MYOM1: variants seen among roughly 807,000 people sequenced by gnomAD.
The protein encoded by MYOM1 is myomesin 1.
In MYOM1, 164 loss-of-function variants were observed where a neutral mutation model predicts 205.3. The observed-to-expected ratio is 0.80, with a 90% CI of 0.70 to 0.91. The LOEUF is 0.91. Among genes scored for constraint, MYOM1 ranks in the 40% least tolerant of loss-of-function variants. The probability of loss-of-function intolerance (pLI) is 0.00; values close to 1 mark genes in which losing one functional copy is unlikely to be tolerated. For missense variants in MYOM1, 2,011 were observed against 2,127.3 expected (o/e 0.95, Z 1.08); for synonymous variants, 772 against 789.4 (o/e 0.98, Z 0.37).
rs2079874384 is a variant in MYOM1 at position 3,131,430 on chromosome 18, A to G, written c.2451T>C (p.Ala817=). The change falls in exon 17 of 38, where the codon GCT becomes GCC. Residue 817 remains alanine, a synonymous_variant. Coordinates refer to ENST00000356443, the MANE Select transcript of MYOM1 (RefSeq NM_003803.4). Reference sequence around the variant, plus strand: ...AATCCTGGGAATATTCACTAAGTCCAGCTGCATTGACTGCTCTGACCCGGA... The same window carrying G: ...AATCCTGGGAATATTCACTAAGTCCGGCTGCATTGACTGCTCTGACCCGGA... ...YIFRVRAVNA[A]GLSEYSQDSE... 7 of 1,613,830 alleles carry G rather than the reference A, an allele frequency of 4.3e-6. No homozygotes were observed. Among genetic ancestry groups the G allele is most frequent in the Admixed American group, 3.3e-5 (2 of 60,008 alleles).
the MYOM1 span, among the ~76,000 whole-genome samples, chr18:3,229,708 G>A: frequency 5.1e-4 from 78 of 152,186 alleles, no homozygotes; most frequent in South Asian, 3.3e-3. Context: ...GGTGGCTCAC[G>A]CCTGTAATCC....
At chr18:3,180,813 G>A (rs1369484869) in intron 5 of MYOM1, among the ~76,000 whole-genome samples, 3 of 152,102 alleles carry the variant, frequency 2.0e-5, no homozygotes, top group Non-Finnish European at 4.4e-5. Flanking sequence ...ATGTTGGGCC[G>A]AGTTTATAGT....
Position 3,214,978 on chromosome 18 carries a change from G to A in MYOM1, c.246C>T (p.Val82=), listed in dbSNP as rs1408299241. ...QASQHALSSE[V]SRKAASAYDY... ...CGTAGGCTGAGGCTGCCTTCCGACT[G>A]ACTTCAGAGCTCAGGGCGTGCTGCG... is the stretch of plus-strand genomic sequence containing the variant. The change falls in exon 2 of 38, where the codon GTC becomes GTT. Residue 82 remains valine (V), a synonymous_variant. Transcript: ENST00000356443. 1 of 1,609,458 alleles carries A rather than the reference G, an allele frequency of 6.2e-7. No homozygotes were observed. The highest frequency in any genetic ancestry group is 8.5e-7 in the Non-Finnish European group (1 of 1,177,056).
At chr18:3,128,379 A>G (rs927044593) in intron 18 of MYOM1, among the ~76,000 whole-genome samples, 4 of 152,186 alleles carry the variant, frequency 2.6e-5, no homozygotes, top group African/African-American at 9.6e-5. Context: ...TTATCAGCAC[A>G]TGTGCTTCAG....
intron 9 of MYOM1, 84 bp from the exon 10 acceptor site, chr18:3,164,523 C>G: frequency 7.8e-7 from 1 of 1,280,400 alleles, no homozygotes; most frequent in Non-Finnish European, 1.1e-6. Flanking sequence ...CTCTCCTTAG[C>G]CTTTTCTATA....
intron 5 of MYOM1, among the ~76,000 whole-genome samples, chr18:3,181,584 A>G (rs2144117648): frequency 6.6e-6 from 1 of 152,230 alleles, no homozygotes; most frequent in Admixed American, 6.5e-5. Context: ...GAAATTTACA[A>G]ACCCTCATAA....
intron 31 of MYOM1, among the ~76,000 whole-genome samples, chr18:3,084,832 C>T (rs191133785): frequency 1.2e-4 from 18 of 152,208 alleles, no homozygotes; most frequent in Admixed American, 5.2e-4. Flanking sequence ...TATAAATTCT[C>T]TAAGGATCAA....
intron 9 of MYOM1, among the ~76,000 whole-genome samples, chr18:3,165,674 T>C (rs2080457454): frequency 6.6e-6 from 1 of 152,190 alleles, no homozygotes; most frequent in African/African-American, 2.4e-5. Flanking sequence ...GCAGTTCCTG[T>C]CCCCATGCTC....
Position 3,079,588 on chromosome 18 carries a change from A to C in MYOM1, c.4485-246T>G, listed in dbSNP as rs552447579. Among the ~76,000 whole-genome samples the C allele has an allele frequency of 5.9e-5, 9 of 151,630 alleles. No individual in the cohort carries two copies. In the East Asian group the frequency reaches 1.6e-3, roughly 26 times the overall value. On this transcript the variant is annotated intron_variant, in intron 33 of 37. Coordinates refer to ENST00000356443, the MANE Select transcript of MYOM1 (RefSeq NM_003803.4). Reference sequence around the variant, plus strand: ...AACTCCTCATAGCAGTCTGAGGCCCAGTGCAAATCACAATACTAATACTTC... The same window carrying C: ...AACTCCTCATAGCAGTCTGAGGCCCCGTGCAAATCACAATACTAATACTTC...
At chr18:3,112,465 T>A (rs745700279) in intron 21 of MYOM1, 53 bp from the exon 22 acceptor site, 31 of 1,403,056 alleles carry the variant, frequency 2.2e-5, no homozygotes, top group Non-Finnish European at 2.8e-5. Flanking sequence ...AGTGGCTGTT[T>A]TATGTCATTT....
At chr18:3,111,839 G>A (rs1329434609) in intron 22 of MYOM1, among the ~76,000 whole-genome samples, 1 of 152,136 alleles carries the variant, frequency 6.6e-6, no homozygotes, top group Non-Finnish European at 1.5e-5. Context: ...GCCCTCCACA[G>A]AAAAAGTTTG....
intron 34 of MYOM1, among the ~76,000 whole-genome samples, chr18:3,076,582 A>G (rs965659243): frequency 5.3e-5 from 8 of 152,276 alleles, no homozygotes; most frequent in Non-Finnish European, 8.8e-5. Context: ...GCTTGCCTGA[A>G]GCAATGTTTC....
rs763220943 is a variant in MYOM1 at position 3,129,369 on chromosome 18, C to G, written c.2657G>C (p.Ser886Thr). ...TGTTTGGCCCAGGTTTTGAGAGCTACTGGGTAGTGAAGGTTTGTTAGGTTT... is the reference window on the plus strand; with the variant it reads ...TGTTTGGCCCAGGTTTTGAGAGCTAGTGGGTAGTGAAGGTTTGTTAGGTTT... ...GSKPNKPSLP[S>T]SSQNLGQTEV... Residue 886 changes from serine to threonine, a missense_variant, in exon 18 of 38, where the codon AGT (serine) becomes ACT (threonine). Coordinates refer to ENST00000356443, the MANE Select transcript of MYOM1 (RefSeq NM_003803.4). The G allele has an allele frequency of 1.7e-5, 28 of 1,613,832 alleles. No homozygotes were observed. The highest frequency in any genetic ancestry group is 2.4e-5 in the Non-Finnish European group (28 of 1,179,884).
chr18:3,136,159 C>T (rs1040246171), intron 14 of MYOM1, among the ~76,000 whole-genome samples: 4 of 152,096 alleles, frequency 2.6e-5, no homozygotes, highest in Non-Finnish European at 5.9e-5. Flanking sequence ...GTGCCTTTCG[C>T]CTTCCACCAT....
chr18:3,083,665 C>T (rs551177324), intron 33 of MYOM1, 124 bp downstream of exon 33: 40 of 586,868 alleles, frequency 6.8e-5, no homozygotes, highest in Non-Finnish European at 9.6e-5. Flanking sequence ...AGGCTGGTCT[C>T]GAACTCCTGA....
At chr18:3,083,106 CAG>C (rs2079103834) in intron 33 of MYOM1, among the ~76,000 whole-genome samples, 1 of 152,182 alleles carries the variant, frequency 6.6e-6, no homozygotes, top group Non-Finnish European at 1.5e-5. Context: ...CCTGGCACAG[CAG>C]AGAGAGCCCA....
chr18:3,123,827 A>T (rs1019307737), intron 19 of MYOM1, among the ~76,000 whole-genome samples: 33 of 147,466 alleles, frequency 2.2e-4, no homozygotes, highest in African/African-American at 3.4e-4. Flanking sequence ...ATTTTTATTT[A>T]TTTATTTTTT....
rs5822738 is a variant in MYOM1 at position 3,114,544 on chromosome 18, A to ATTTT, written c.3303+1783_3303+1786dup. Among the ~76,000 whole-genome samples the ATTTT allele has an allele frequency of 3.3e-4, 29 of 88,332 alleles. 2 individuals carry two copies. Among genetic ancestry groups the ATTTT allele is most frequent in the African/African-American group, 9.2e-4 (19 of 20,752 alleles). The allele number at this position is 88,332 out of a possible 152,430, so 57.9% of individuals were successfully genotyped here. A position where few individuals can be genotyped will look rare whatever the true frequency, so the allele number is the denominator to read the frequency against. On this transcript the variant is annotated intron_variant, in intron 21 of 37. Coordinates refer to ENST00000356443, the MANE Select transcript of MYOM1 (RefSeq NM_003803.4). ...AGGCACATGCCACCATGGTCAGCTA[A>ATTTT]TTTTTTTTTTTTTTTTTTTTTTTTT... is the stretch of plus-strand genomic sequence containing the variant.
chr18:3,115,986 G>A (rs563219635), intron 21 of MYOM1, among the ~76,000 whole-genome samples: 1 of 152,216 alleles, frequency 6.6e-6, no homozygotes, highest in South Asian at 2.1e-4. Flanking sequence ...CTAGAAAAAA[G>A]AGGAATGAAA....
Sources: allele counts gnomAD v4.1 joint callset (sites outside exome capture counted in the v4.1 genomes callset), GRCh38; gene constraint gnomAD v4.1.1; transcripts MANE v1.5; gene names NCBI Gene and HGNC (gene_info 2026-07-23, HGNC 2026-07-21).